DCC: variants seen among roughly 807,000 people sequenced by gnomAD.
DCC encodes netrin receptor DCC.
In DCC, 58 loss-of-function variants were observed where a neutral mutation model predicts 172.5. The ratio of observed to expected loss-of-function variants is 0.34; its 90% CI spans 0.27 to 0.42. DCC has a LOEUF of 0.42. Ranked by LOEUF, DCC falls within the 10% of genes least tolerant of loss-of-function variation. DCC has a pLI of 1.00. For synonymous variants in DCC, 709 were observed against 644.5 expected, an observed-to-expected ratio of 1.10 and a Z score of -1.52; for missense variants, 1,740 against 1,791.0, an observed-to-expected ratio of 0.97 and a Z score of 0.51.
At chr18:52,429,492 T>C (rs1216235034) in intron 1 of DCC, among the ~76,000 whole-genome samples, 1 of 152,188 alleles carries the variant, frequency 6.6e-6, no homozygotes, top group African/African-American at 2.4e-5. Context: ...ATCTAACTTT[T>C]TTTTGACTTA....
intron 2 of DCC, among the ~76,000 whole-genome samples, chr18:52,775,582 C>T (rs2037415537): frequency 6.6e-6 from 1 of 152,184 alleles, no homozygotes; most frequent in Admixed American, 6.5e-5. Context: ...TGGGTGGCCC[C>T]AGCTTTCCTC....
chr18:53,236,680 A>C (rs1404252785), intron 12 of DCC, among the ~76,000 whole-genome samples: 1 of 152,082 alleles, frequency 6.6e-6, no homozygotes. Flanking sequence ...ACCCCAAGGT[A>C]TAAAGATATT....
At chr18:52,918,091 A>G (rs1384213391) in intron 3 of DCC, among the ~76,000 whole-genome samples, 1 of 152,164 alleles carries the variant, frequency 6.6e-6, no homozygotes, top group African/African-American at 2.4e-5. Context: ...AGATACATAT[A>G]AGTACATGAA....
At chr18:53,180,118 T>C (rs545949867) in intron 9 of DCC, among the ~76,000 whole-genome samples, 2 of 152,296 alleles carry the variant, frequency 1.3e-5, no homozygotes, top group South Asian at 2.1e-4. Flanking sequence ...GTAACCTTTG[T>C]ATTCTATCAC....
chr18:53,415,345 G>C (rs1390216244), intron 20 of DCC, among the ~76,000 whole-genome samples: 3 of 152,124 alleles, frequency 2.0e-5, no homozygotes, highest in Non-Finnish European at 4.4e-5. Context: ...AAAGCTCAAA[G>C]ACGGTCAAGT....
intron 2 of DCC, among the ~76,000 whole-genome samples, chr18:52,761,416 GT>G (rs2037158265): frequency 1.3e-5 from 2 of 152,126 alleles, no homozygotes; most frequent in South Asian, 4.1e-4. Flanking sequence ...CTATTATTTG[GT>G]AGAGGTAAGA....
intron 7 of DCC, among the ~76,000 whole-genome samples, chr18:53,080,608 G>A (rs1387644785): frequency 6.6e-6 from 1 of 152,126 alleles, no homozygotes; most frequent in African/African-American, 2.4e-5. Flanking sequence ...ATTTTGCTTT[G>A]TGTGTTAGAT....
intron 25 of DCC, among the ~76,000 whole-genome samples, chr18:53,483,004 GAC>G (rs889511548): frequency 6.6e-6 from 1 of 151,822 alleles, no homozygotes; most frequent in Non-Finnish European, 1.5e-5. Flanking sequence ...GTGTTAAAAT[GAC>G]AGATTTCTAA....
chr18:53,293,611 T>A (rs1178948715), intron 12 of DCC, among the ~76,000 whole-genome samples: 2 of 152,126 alleles, frequency 1.3e-5, no homozygotes, highest in Non-Finnish European at 2.9e-5. Context: ...TTTCTGTTCC[T>A]CTCCCTCCTC....
At chr18:53,397,568 C>T (rs1909034469) in intron 18 of DCC, 122 bp downstream of exon 18, 5 of 1,036,780 alleles carry the variant, frequency 4.8e-6, no homozygotes, top group Admixed American at 2.0e-5. Context: ...AATAGTTCAT[C>T]CTCTATAGTT....
chr18:53,110,618 C>T (rs1258971173), intron 7 of DCC, among the ~76,000 whole-genome samples: 1 of 151,044 alleles, frequency 6.6e-6, no homozygotes, highest in Non-Finnish European at 1.5e-5. Context: ...CAAAAGAAGA[C>T]ATTTATGCAG....
chr18:52,566,607 A>G lies in DCC; in HGVS notation c.92-185447A>G, dbSNP rs369718319. ...GGTGGTAGTTTTATACCAATTTTGT[A>G]TATACCTTTATGTGATAAAAATTAA... On this transcript the variant is annotated intron_variant, in intron 1 of 28. Transcript: ENST00000442544. Among the ~76,000 whole-genome samples the G allele has an allele frequency of 3.3e-5, 5 of 152,290 alleles. No homozygotes were observed. In the East Asian group the frequency reaches 9.6e-4, roughly 29 times the overall value.
In DCC at chr18:52,894,599, G is replaced by T. The variant is rs1289032906; in HGVS notation, c.413-11445G>T. Among the ~76,000 whole-genome samples the T allele has an allele frequency of 2.6e-5, 4 of 151,982 alleles. No homozygotes were observed. The East Asian group carries it at 7.7e-4, about 29-fold the overall frequency. On this transcript the variant is annotated intron_variant, in intron 2 of 28. Coordinates refer to ENST00000442544, the MANE Select transcript of DCC (RefSeq NM_005215.4). ...CTCACATGGTTCTGGAGGCTTAGAAGTCCTAGTATCTATAATTGGCAAGCT... is the reference window on the plus strand; with the variant it reads ...CTCACATGGTTCTGGAGGCTTAGAATTCCTAGTATCTATAATTGGCAAGCT...
chr18:52,511,211 G>T (rs72928521), intron 1 of DCC, among the ~76,000 whole-genome samples: 43,056 of 148,980 alleles, frequency 0.29, 6,345 homozygotes, highest in African/African-American at 0.32. Context: ...AACCTGGGAG[G>T]CAGACATCGC....
At chr18:52,824,551 A>G (rs1677591526) in intron 2 of DCC, among the ~76,000 whole-genome samples, 1 of 152,200 alleles carries the variant, frequency 6.6e-6, no homozygotes, top group African/African-American at 2.4e-5. Context: ...AAAAAATTAG[A>G]GAATTTCTCT....
At chr18:53,094,438 C>T (rs775674864) in intron 7 of DCC, among the ~76,000 whole-genome samples, 2 of 152,182 alleles carry the variant, frequency 1.3e-5, no homozygotes, top group African/African-American at 2.4e-5. Flanking sequence ...TAGCCCAATT[C>T]TTACTATCTG....
At chr18:52,481,527 A>C (rs1315346221) in intron 1 of DCC, among the ~76,000 whole-genome samples, 1 of 152,112 alleles carries the variant, frequency 6.6e-6, no homozygotes, top group Non-Finnish European at 1.5e-5. Flanking sequence ...ACACCAAAAA[A>C]TGCATAGACA....
intron 22 of DCC, among the ~76,000 whole-genome samples, chr18:53,445,871 C>A (rs57594157): frequency 6.6e-6 from 1 of 151,978 alleles, no homozygotes; most frequent in East Asian, 1.9e-4. Flanking sequence ...GTCTTGATTA[C>A]TCAGGCACTG....
At chr18:52,594,481 C>T (rs907275718) in intron 1 of DCC, among the ~76,000 whole-genome samples, 1 of 152,202 alleles carries the variant, frequency 6.6e-6, no homozygotes, top group African/African-American at 2.4e-5. Flanking sequence ...GAGACAGGAA[C>T]TGAAACCTCA....
Sources: gnomAD v4.1 joint callset for allele counts (sites outside exome capture counted in the v4.1 genomes callset) on GRCh38, gnomAD v4.1.1 for gene constraint, MANE v1.5 for transcripts, NCBI Gene and HGNC (gene_info 2026-07-23, HGNC 2026-07-21) for gene names.